PHACTR1: variants seen among roughly 807,000 people sequenced by gnomAD.
The protein encoded by PHACTR1 is phosphatase and actin regulator 1.
Under a neutral mutation model 69.2 loss-of-function variants are expected in PHACTR1, and 16 were observed. The observed-to-expected ratio is 0.23, with a 90% CI of 0.16 to 0.35. The LOEUF is 0.35. PHACTR1 is among the 10% of genes least tolerant of loss of function. The pLI is 1.00. For missense variants in PHACTR1, 510 were observed against 734.7 expected (o/e 0.69, Z 3.54); for synonymous variants, 312 against 284.5 (o/e 1.10, Z -0.97).
intron 4 of PHACTR1, among the ~76,000 whole-genome samples, chr6:12,806,323 G>A (rs897700656): frequency 2.0e-5 from 3 of 152,148 alleles, no homozygotes; most frequent in Admixed American, 1.3e-4. Context: ...GGAAGAAAAC[G>A]TTCATTTCTC....
In PHACTR1 at chr6:12,754,762, G is replaced by A. The variant is rs139922838; in HGVS notation, c.250+4972G>A. 8.2e-4 allele frequency among the ~76,000 whole-genome samples: 125 copies of A among 152,304 alleles called. 1 individual carries two copies. The highest frequency in any genetic ancestry group is 2.6e-3 in the African/African-American group (107 of 41,580). ...ATATTTTTAAAAAATGAATGGCTGCGTCTGTACTGAACATGTAAAGAGTTA... is the reference window on the plus strand; with the variant it reads ...ATATTTTTAAAAAATGAATGGCTGCATCTGTACTGAACATGTAAAGAGTTA... On this transcript the variant is annotated intron_variant, in intron 4 of 14. Coordinates refer to ENST00000332995, the MANE Select transcript of PHACTR1 (RefSeq NM_030948.6).
At chr6:13,170,283 A>G (rs186542476) in intron 6 of PHACTR1, among the ~76,000 whole-genome samples, 1 of 152,192 alleles carries the variant, frequency 6.6e-6, no homozygotes, top group Admixed American at 6.5e-5. Context: ...GTTTCCATAA[A>G]TTTAAGTATT....
chr6:12,779,146 A>T (rs1770482282), intron 4 of PHACTR1, among the ~76,000 whole-genome samples: 1 of 152,084 alleles, frequency 6.6e-6, no homozygotes, highest in Non-Finnish European at 1.5e-5. Flanking sequence ...GACCAGCCTG[A>T]CCAACATGGA....
chr6:13,041,616 T>C (rs1804187996), intron 4 of PHACTR1, among the ~76,000 whole-genome samples: 1 of 152,122 alleles, frequency 6.6e-6, no homozygotes. Flanking sequence ...AATGTAAAGT[T>C]TCATCAGGTT....
chr6:13,249,306 T>G (rs1774025469), intron 10 of PHACTR1, among the ~76,000 whole-genome samples: 1 of 151,788 alleles, frequency 6.6e-6, no homozygotes, highest in Non-Finnish European at 1.5e-5. Context: ...CTTATGAGAC[T>G]CTAACTTACG....
At chr6:13,240,829 T>A (rs992240664) in intron 10 of PHACTR1, among the ~76,000 whole-genome samples, 19 of 152,176 alleles carry the variant, frequency 1.2e-4, no homozygotes, top group African/African-American at 4.6e-4. Flanking sequence ...TACGTGCCAT[T>A]TATAACTTTA....
intron 3 of PHACTR1, among the ~76,000 whole-genome samples, chr6:12,730,240 A>G (rs1763320249): frequency 6.6e-6 from 1 of 152,174 alleles, no homozygotes; most frequent in African/African-American, 2.4e-5. Flanking sequence ...CTTTCACATT[A>G]TTTAGAAGAT....
chr6:12,992,947 T>C (rs778776538), intron 4 of PHACTR1, among the ~76,000 whole-genome samples: 2 of 152,186 alleles, frequency 1.3e-5, no homozygotes, highest in Non-Finnish European at 1.5e-5. Flanking sequence ...ATTATGCAAA[T>C]GGGTTCTTTA....
intron 3 of PHACTR1, among the ~76,000 whole-genome samples, chr6:12,737,928 A>G (rs1764517401): frequency 6.6e-6 from 1 of 152,168 alleles, no homozygotes; most frequent in African/African-American, 2.4e-5. Context: ...ACCACAGCGC[A>G]TCTATCCCCT....
chr6:13,154,376 T>G (rs1049653075), intron 5 of PHACTR1, among the ~76,000 whole-genome samples: 3 of 152,138 alleles, frequency 2.0e-5, no homozygotes, highest in African/African-American at 4.8e-5. Flanking sequence ...GCTAGGCTGA[T>G]CTTGAACTCC....
chr6:12,847,590 A>G (rs1391259452), intron 4 of PHACTR1, among the ~76,000 whole-genome samples: 1 of 152,166 alleles, frequency 6.6e-6, no homozygotes, highest in Non-Finnish European at 1.5e-5. Flanking sequence ...TAGCCCAAAG[A>G]AAACAGAAAA....
At position 13,172,251 on chromosome 6, in the gene PHACTR1, A is replaced by G. The variant is rs1309827710; in HGVS notation, c.497-10268A>G. 3.9e-5 allele frequency among the ~76,000 whole-genome samples: 6 copies of G among 152,310 alleles called. No homozygotes were observed. In the South Asian group the frequency reaches 6.2e-4, roughly 16 times the overall value. ...TGCCCCAGTTGCATTTTTTATATCA[A>G]AATGCCCAGAAATAGCAAGATGGTA... On this transcript the variant is annotated intron_variant, in intron 6 of 14. Transcript: ENST00000332995.
rs76731923 is a variant in PHACTR1, at chr6:12,864,176, G to A, written c.250+114386G>A. 7.8e-3 allele frequency among the ~76,000 whole-genome samples: 1,190 copies of A among 152,252 alleles called. 23 individuals carry two copies. The highest frequency in any genetic ancestry group is 0.048 in the Admixed American group (728 of 15,292). Reference sequence around the variant, plus strand: ...CACAAATAAGGAAGCGAGGATGTGGGTACACAAATTCAGTGGTTCTCAAAC... The same window carrying A: ...CACAAATAAGGAAGCGAGGATGTGGATACACAAATTCAGTGGTTCTCAAAC... On this transcript the variant is annotated intron_variant, in intron 4 of 14. Transcript: ENST00000332995.
chr6:13,199,821 T>C (rs1764967334), intron 7 of PHACTR1, among the ~76,000 whole-genome samples: 1 of 152,100 alleles, frequency 6.6e-6, no homozygotes, highest in Non-Finnish European at 1.5e-5. Flanking sequence ...AGACATCTTA[T>C]CATTTACAAA....
chr6:12,737,598 C>CT (rs200648359), intron 3 of PHACTR1, among the ~76,000 whole-genome samples: 45,560 of 142,866 alleles, frequency 0.32, 7,181 homozygotes, highest in South Asian at 0.42. Context: ...TTCTTTCTTT[C>CT]TTTTTTTTTT....
rs1467806302 is a variant in PHACTR1, at chr6:13,103,575, ATTGT to A, written c.415+50048_415+50051del. ...CCTTCCAAAACAAAAAGTATATATA[ATTGT>A]TATTATGGGGTAGAAGTGTTTCTTT... On this transcript the variant is annotated intron_variant, in intron 5 of 14. Coordinates refer to ENST00000332995, the MANE Select transcript of PHACTR1 (RefSeq NM_030948.6). Among the ~76,000 whole-genome samples the A allele has an allele frequency of 5.9e-5, 9 of 152,344 alleles. 1 individual carries two copies. The highest frequency in any genetic ancestry group is 7.3e-5 in the Non-Finnish European group (5 of 68,034).
intron 4 of PHACTR1, among the ~76,000 whole-genome samples, chr6:12,981,021 T>A (rs1174325455): frequency 1.3e-5 from 2 of 152,368 alleles, no homozygotes; most frequent in South Asian, 4.1e-4. Flanking sequence ...TCCCTCAGGA[T>A]AACTGGTGGG....
At chr6:13,185,734 C>A (rs1183090696) in intron 7 of PHACTR1, among the ~76,000 whole-genome samples, 1 of 152,190 alleles carries the variant, frequency 6.6e-6, no homozygotes, top group Non-Finnish European at 1.5e-5. Flanking sequence ...ATTTCTCCAA[C>A]TTTGATAATA....
intron 4 of PHACTR1, among the ~76,000 whole-genome samples, chr6:13,029,382 A>G (rs1191885492): frequency 6.6e-6 from 1 of 152,224 alleles, no homozygotes; most frequent in Non-Finnish European, 1.5e-5. Context: ...TCAGCCGTGC[A>G]GAAGGGATGG....
Sources: gnomAD v4.1 joint callset for allele counts (sites outside exome capture counted in the v4.1 genomes callset) on GRCh38, gnomAD v4.1.1 for gene constraint, MANE v1.5 for transcripts, NCBI Gene and HGNC (gene_info 2026-07-23, HGNC 2026-07-21) for gene names.